The following RAB6A variants were observed in gnomAD, a reference collection of about 807,000 sequenced individuals.
RAB6A encodes the protein ras-related protein Rab-6A.
RAB6A carries 8 observed loss-of-function variants against 32.3 expected under a neutral mutation model. That is an observed-to-expected ratio of 0.25 (90% CI 0.15 to 0.45). The LOEUF (loss-of-function observed/expected upper bound fraction) is 0.45, where lower values mean the gene tolerates loss of function less well. Among genes scored for constraint, RAB6A ranks in the 20% least tolerant of loss-of-function variants. The pLI, the probability that RAB6A is intolerant of heterozygous loss-of-function variation, is 1.00. For synonymous variants in RAB6A, 73 were observed against 82.1 expected, an observed-to-expected ratio of 0.89 and a Z score of 0.60; for missense variants, 104 against 249.4, an observed-to-expected ratio of 0.42 and a Z score of 3.93.
At chr11:73,713,509 A>T (rs1440831293) in intron 5 of RAB6A, among the ~76,000 whole-genome samples, 1 of 151,692 alleles carries the variant, frequency 6.6e-6, no homozygotes, top group Non-Finnish European at 1.5e-5. Flanking sequence ...GGGAGCTTGC[A>T]GTGAGCCAAG....
At chr11:73,722,775 T>C (rs1946161654) in intron 2 of RAB6A, 1 of 152,254 alleles carries the variant, frequency 6.6e-6, no homozygotes, top group East Asian at 1.9e-4. Context: ...CATTGCCCCA[T>C]TTAGTTCTCA....
intron 1 of RAB6A, among the ~76,000 whole-genome samples, chr11:73,744,086 T>C (rs984378370): frequency 1.1e-4 from 16 of 151,896 alleles, no homozygotes; most frequent in African/African-American, 3.6e-4. Flanking sequence ...CGCCTGTAAT[T>C]TCAGCACTTT....
At chr11:73,731,684 T>TTTTATA (rs1555064991) in intron 1 of RAB6A, among the ~76,000 whole-genome samples, 31 of 14,514 alleles carry the variant, frequency 2.1e-3, no homozygotes, top group African/African-American at 5.8e-3. Flanking sequence ...TAGATAGATA[T>TTTTATA]TATATATATA....
At chr11:73,737,316 C>G (rs1217699500) in intron 1 of RAB6A, among the ~76,000 whole-genome samples, 1 of 152,006 alleles carries the variant, frequency 6.6e-6, no homozygotes, top group African/African-American at 2.4e-5. Context: ...GAGACCCTAT[C>G]TCTACAAAAA....
intron 1 of RAB6A, among the ~76,000 whole-genome samples, chr11:73,731,731 T>TATACAC (rs1346850332): frequency 1.2e-4 from 2 of 16,982 alleles, no homozygotes; most frequent in African/African-American, 4.1e-4. Context: ...TATATATATA[T>TATACAC]ACACACACAC....
At chr11:73,716,149 A>G in intron 5 of RAB6A, 102 bp downstream of exon 5, 1 of 833,404 alleles carries the variant, frequency 1.2e-6, no homozygotes, top group Non-Finnish European at 1.9e-6. Flanking sequence ...CGTAAACTTA[A>G]GGATTAAGCA....
chr11:73,753,695 A>G (rs1946703115), intron 1 of RAB6A, among the ~76,000 whole-genome samples: 1 of 151,368 alleles, frequency 6.6e-6, no homozygotes, highest in South Asian at 2.1e-4. Context: ...TCGGTGACTG[A>G]GCGAGATTCC....
At chr11:73,731,410 G>C (rs557339403) in intron 1 of RAB6A, among the ~76,000 whole-genome samples, 3 of 151,338 alleles carry the variant, frequency 2.0e-5, no homozygotes, top group Non-Finnish European at 4.4e-5. Context: ...GGGCAGGGTG[G>C]TTGCACGCCT....
At chr11:73,755,902 GAAGAAGAGGAGGAGGAGA>G (rs1007168029) in intron 1 of RAB6A, among the ~76,000 whole-genome samples, 13 of 151,158 alleles carry the variant, frequency 8.6e-5, no homozygotes, top group East Asian at 1.9e-4. Context: ...AGAGGAGGAG[GAAGAAGAGGAGGAGGAGA>G]AAGAAGAGGA....
rs566910074 is a variant in RAB6A at position 73,753,206 on chromosome 11, C to T, written c.70+7360G>A. On this transcript the variant is annotated intron_variant, in intron 1 of 7. Coordinates refer to ENST00000336083, the MANE Select transcript of RAB6A (RefSeq NM_198896.2). ...TCGTGGCTGCAGTGAGCTATAATGG[C>T]ACCCCTGTACTGTAGCCTGGGTGAG... Among the ~76,000 whole-genome samples, 67 of 152,266 alleles carry T rather than the reference C, an allele frequency of 4.4e-4. 1 individual carries two copies. The East Asian group carries it at 0.012, about 28-fold the overall frequency.
intron 6 of RAB6A, among the ~76,000 whole-genome samples, chr11:73,707,177 G>C (rs999141786): frequency 3.3e-5 from 5 of 151,590 alleles, no homozygotes; most frequent in Admixed American, 1.3e-4. Context: ...AATGTAGTAG[G>C]AATGTAGTGA....
At chr11:73,695,290 T>C (rs1291768486) in intron 6 of RAB6A, among the ~76,000 whole-genome samples, 1 of 151,928 alleles carries the variant, frequency 6.6e-6, no homozygotes, top group African/African-American at 2.4e-5. Context: ...TCTGCCATAT[T>C]AGGAATCACA....
At chr11:73,694,251 C>A (rs1945622296) in intron 6 of RAB6A, among the ~76,000 whole-genome samples, 1 of 152,168 alleles carries the variant, frequency 6.6e-6, no homozygotes, top group Non-Finnish European at 1.5e-5. Context: ...GAAGAAAAGA[C>A]ACTGAGTACT....
intron 1 of RAB6A, among the ~76,000 whole-genome samples, chr11:73,746,153 C>T (rs912775295): frequency 7.3e-5 from 11 of 150,640 alleles, no homozygotes; most frequent in Admixed American, 4.6e-4. Flanking sequence ...AACAGAGACC[C>T]CATCAATTTA....
intron 6 of RAB6A, among the ~76,000 whole-genome samples, chr11:73,702,712 A>G (rs902498934): frequency 2.0e-5 from 3 of 152,200 alleles, no homozygotes; most frequent in Non-Finnish European, 4.4e-5. Context: ...GTCCCTAAAC[A>G]TTGGGAAATT....
chr11:73,722,600 G>A (rs968041603), intron 2 of RAB6A: 3 of 123,042 alleles, frequency 2.4e-5, no homozygotes, highest in African/African-American at 5.2e-5. Context: ...CTTCCAACAC[G>A]CTGGGACTAT....
chr11:73,723,608 C>CATGA (rs1356377221), intron 2 of RAB6A, among the ~76,000 whole-genome samples: 2 of 152,142 alleles, frequency 1.3e-5, no homozygotes, highest in Non-Finnish European at 2.9e-5. Flanking sequence ...GGATTACAGC[C>CATGA]ATGAGCCACT....
intron 2 of RAB6A, among the ~76,000 whole-genome samples, chr11:73,726,007 C>T (rs920177916): frequency 6.6e-6 from 1 of 152,024 alleles, no homozygotes; most frequent in East Asian, 1.9e-4. Flanking sequence ...ACAAAAAAGG[C>T]CGGGCATGGT....
chr11:73,712,168 C>T (rs1037427556), intron 5 of RAB6A, among the ~76,000 whole-genome samples: 1 of 152,128 alleles, frequency 6.6e-6, no homozygotes, highest in Non-Finnish European at 1.5e-5. Flanking sequence ...ATTTTATTTT[C>T]ACAATTAAAT....
Sources: allele counts gnomAD v4.1 joint callset (sites outside exome capture counted in the v4.1 genomes callset), GRCh38; gene constraint gnomAD v4.1.1; transcripts MANE v1.5; gene names NCBI Gene and HGNC (gene_info 2026-07-23, HGNC 2026-07-21).